The following PRKN variants were observed in gnomAD, a reference collection of about 807,000 sequenced individuals.
The protein encoded by PRKN is parkin RBR E3 ubiquitin protein ligase, also known as E3 ubiquitin-protein ligase parkin.
In PRKN, 56 loss-of-function variants were observed where a neutral mutation model predicts 59.5. The observed-to-expected ratio is 0.94, with a 90% CI of 0.76 to 1.18. The LOEUF is 1.18. Among genes scored for constraint, PRKN ranks in the 50% most tolerant of loss-of-function variants. PRKN has a pLI of 0.00. For missense variants in PRKN, 657 were observed against 596.4 expected (o/e 1.10, Z -1.06); for synonymous variants, 250 against 222.1 (o/e 1.13, Z -1.12).
At chr6:162,501,153 T>C (rs867444483) in intron 1 of PRKN, among the ~76,000 whole-genome samples, 1 of 152,052 alleles carries the variant, frequency 6.6e-6, no homozygotes, top group African/African-American at 2.4e-5. Context: ...CAAGACTCTA[T>C]CTCTAATAAT....
intron 4 of PRKN, among the ~76,000 whole-genome samples, chr6:162,089,576 A>G (rs577162311): frequency 6.6e-6 from 1 of 152,322 alleles, no homozygotes; most frequent in East Asian, 1.9e-4. Context: ...GTCCATATAA[A>G]AACTCGTACA....
chr6:162,249,276 A>G (rs545992671), intron 3 of PRKN, among the ~76,000 whole-genome samples: 122 of 152,356 alleles, frequency 8.0e-4, no homozygotes, highest in African/African-American at 2.7e-3. Flanking sequence ...CTTTTTCATG[A>G]GAACATAGTT....
intron 1 of PRKN, among the ~76,000 whole-genome samples, chr6:162,622,535 C>T (rs1782719018): frequency 6.6e-6 from 1 of 152,146 alleles, no homozygotes; most frequent in African/African-American, 2.4e-5. Flanking sequence ...TTAAAAGTTT[C>T]TGGTAATCCC....
At chr6:162,475,074 C>T (rs1211869147) in intron 1 of PRKN, among the ~76,000 whole-genome samples, 1 of 152,122 alleles carries the variant, frequency 6.6e-6, no homozygotes, top group East Asian at 1.9e-4. Flanking sequence ...ATATGCTTCA[C>T]ATAGAATTTG....
chr6:162,617,260 C>T (rs770796082), intron 1 of PRKN, among the ~76,000 whole-genome samples: 1 of 152,086 alleles, frequency 6.6e-6, no homozygotes, highest in Non-Finnish European at 1.5e-5. Context: ...GAGACGGAGT[C>T]ACACTCTGTC....
chr6:162,727,752 C>G lies in PRKN; in HGVS notation c.-84G>C. 1.4e-6 allele frequency: 2 copies of G among 1,432,482 alleles called. No individual in the cohort carries two copies. Among genetic ancestry groups the G allele is most frequent in the Non-Finnish European group, 1.9e-6 (2 of 1,040,850 alleles). The allele number at this position is 1,432,482 out of a possible 1,614,324, so 88.7% of individuals were successfully genotyped here. Reference sequence around the variant, plus strand: ...AGCCGCGCCTCCCACCAGCGGCTCTCCTGGGTTAAATCCTCCAGGCCTCCC... The same window carrying G: ...AGCCGCGCCTCCCACCAGCGGCTCTGCTGGGTTAAATCCTCCAGGCCTCCC... On this transcript the variant is annotated 5_prime_UTR_variant, in exon 1 of 12. Transcript: ENST00000366898.
chr6:161,741,751 A>G (rs1370009963), intron 7 of PRKN, among the ~76,000 whole-genome samples: 2 of 152,048 alleles, frequency 1.3e-5, no homozygotes, highest in East Asian at 3.9e-4. Context: ...CACCATCCCA[A>G]ATTAATAAGA....
Position 162,034,824 on chromosome 6 carries a change from T to C in PRKN, c.618+19267A>G, listed in dbSNP as rs564315253. ...TAGCCCATATGGAATGTTAACCTTT[T>C]ATCACGGAATTATGATTTCATAGCT... On this transcript the variant is annotated intron_variant, in intron 5 of 11. Transcript: ENST00000366898. 5.1e-4 allele frequency among the ~76,000 whole-genome samples: 77 copies of C among 152,350 alleles called. 1 individual carries two copies. Among genetic ancestry groups the C allele is most frequent in the Middle Eastern group, 6.8e-3 (2 of 294 alleles).
At chr6:161,883,366 G>GT (rs143866353) in intron 6 of PRKN, among the ~76,000 whole-genome samples, 2,129 of 151,906 alleles carry the variant, frequency 0.014, 50 homozygotes, top group African/African-American at 0.049. Flanking sequence ...GCCAGGCAAG[G>GT]TGGTGTCTGT....
At position 161,373,326 on chromosome 6, in the gene PRKN, C is replaced by T. The variant is rs1386744217; in HGVS notation, c.1168-13121G>A. ...GCTGTGTGGCCCAGCTACATTGACA[C>T]AGAAAATTACCCATCACAGCTAGGC... is the stretch of plus-strand genomic sequence containing the variant. On this transcript the variant is annotated intron_variant, in intron 10 of 11. Coordinates refer to ENST00000366898, the MANE Select transcript of PRKN (RefSeq NM_004562.3). The surrounding 1 kb of genome is among the most constrained non-coding windows in gnomAD (Gnocchi z 4.8). Among the ~76,000 whole-genome samples, 2 of 152,136 alleles carry T rather than the reference C, an allele frequency of 1.3e-5. No individual in the cohort carries two copies. The highest frequency in any genetic ancestry group is 2.9e-5 in the Non-Finnish European group (2 of 68,044).
chr6:161,795,228 C>CTTTTTTTTTT (rs58319044), intron 6 of PRKN, among the ~76,000 whole-genome samples: 3 of 128,424 alleles, frequency 2.3e-5, no homozygotes, highest in Non-Finnish European at 4.7e-5. Flanking sequence ...GTTTTCTTTT[C>CTTTTTTTTTT]TTTTTTTTTT....
intron 7 of PRKN, among the ~76,000 whole-genome samples, chr6:161,622,668 C>T (rs1043346656): frequency 6.6e-6 from 1 of 152,182 alleles, no homozygotes; most frequent in Non-Finnish European, 1.5e-5. Flanking sequence ...CTACCTCATG[C>T]CCTCTCCTGG....
Position 161,363,648 on chromosome 6 carries a change from AAC to A in PRKN, c.1168-3445_1168-3444del, listed in dbSNP as rs989267370. Among the ~76,000 whole-genome samples, 2 of 152,172 alleles carry A rather than the reference AAC, an allele frequency of 1.3e-5. No homozygotes were observed. The highest frequency in any genetic ancestry group is 2.9e-5 in the Non-Finnish European group (2 of 68,038). ...CAGTGTTTGGAGAGAGTGGCAAAAAAACACACAAATTATCTACAAAGAAGTTA... is the reference window on the plus strand; with the variant it reads ...CAGTGTTTGGAGAGAGTGGCAAAAAAACACAAATTATCTACAAAGAAGTTA... On this transcript the variant is annotated intron_variant, in intron 10 of 11. Transcript: ENST00000366898. This position sits in a 1 kb window ranked among gnomAD's most constrained non-coding sequence, Gnocchi z 4.1.
chr6:162,287,582 C>T (rs560409866), intron 2 of PRKN, among the ~76,000 whole-genome samples: 2 of 152,042 alleles, frequency 1.3e-5, no homozygotes, highest in Admixed American at 1.3e-4. Flanking sequence ...AAAAAAATCA[C>T]TGGACATAAT....
At chr6:162,441,339 CTCTT>C (rs1790040625) in intron 2 of PRKN, among the ~76,000 whole-genome samples, 2 of 152,142 alleles carry the variant, frequency 1.3e-5, no homozygotes, top group South Asian at 4.1e-4. Context: ...TTCAACATCT[CTCTT>C]CAGGTTCTAG....
intron 1 of PRKN, among the ~76,000 whole-genome samples, chr6:162,500,148 C>T (rs1357630475): frequency 8.6e-5 from 13 of 151,036 alleles, no homozygotes; most frequent in Admixed American, 6.0e-4. Flanking sequence ...ACCAAACAGC[C>T]ACAAACAGCC....
chr6:161,759,504 ATTT>A (rs61506632), intron 7 of PRKN, among the ~76,000 whole-genome samples: 130,168 of 151,752 alleles, frequency 0.86, 56,149 homozygotes, highest in East Asian at 0.97. Context: ...TGTCTTCAGT[ATTT>A]CTAGTATTTC....
chr6:162,660,290 G>A (rs1778828378), intron 1 of PRKN, among the ~76,000 whole-genome samples: 1 of 152,016 alleles, frequency 6.6e-6, no homozygotes, highest in South Asian at 2.1e-4. Context: ...ATCACAATTA[G>A]CTGGTTCTTG....
chr6:161,834,147 C>A (rs114904139), intron 6 of PRKN, among the ~76,000 whole-genome samples: 1,863 of 151,840 alleles, frequency 0.012, 46 homozygotes, highest in African/African-American at 0.042. Context: ...CTTCTCCATC[C>A]ACTCAGTCAG....
Sources: allele counts gnomAD v4.1 joint callset (sites outside exome capture counted in the v4.1 genomes callset), GRCh38; gene constraint gnomAD v4.1.1; non-coding constraint Gnocchi (gnomAD v3.1); transcripts MANE v1.5; gene names NCBI Gene and HGNC (gene_info 2026-07-23, HGNC 2026-07-21).